Variants in MAK observed in about 807,000 individuals in gnomAD.
The protein encoded by MAK is serine/threonine-protein kinase MAK.
In MAK, 65 loss-of-function variants were observed where a neutral mutation model predicts 82.6. That is an observed-to-expected ratio of 0.79 (90% CI 0.64 to 0.97). The LOEUF (loss-of-function observed/expected upper bound fraction) is 0.97, where lower values mean the gene tolerates loss of function less well. MAK is among the 50% of genes least tolerant of loss of function. The pLI is 0.00. For missense variants in MAK, 703 were observed against 780.2 expected (o/e 0.90, Z 1.18); for synonymous variants, 250 against 274.2 (o/e 0.91, Z 0.87).
intron 13 of MAK, among the ~76,000 whole-genome samples, chr6:10,771,155 G>A (rs1448865710): frequency 6.6e-6 from 1 of 152,120 alleles, no homozygotes; most frequent in South Asian, 2.1e-4. Context: ...GGTGGTTACA[G>A]AGTTGTGGGC....
intron 14 of MAK, among the ~76,000 whole-genome samples, chr6:10,764,935 A>C (rs1425381779): frequency 6.6e-6 from 1 of 152,018 alleles, no homozygotes; most frequent in African/African-American, 2.4e-5. Flanking sequence ...TCTACTAAAA[A>C]TACAAAAAAA....
intron 11 of MAK, among the ~76,000 whole-genome samples, chr6:10,777,069 AC>A (rs1773522641): frequency 1.3e-5 from 2 of 151,538 alleles, no homozygotes; most frequent in East Asian, 3.9e-4. Flanking sequence ...AAAAAAGGCA[AC>A]TACCTAACCA....
At chr6:10,770,049 TA>T in intron 14 of MAK, 61 bp downstream of exon 14, 2 of 1,613,492 alleles carry the variant, frequency 1.2e-6, no homozygotes, top group Non-Finnish European at 1.7e-6. Context: ...TGCATAAACT[TA>T]AAAAGGAAAA....
At chr6:10,789,399 C>T (rs1774884215) in intron 10 of MAK, among the ~76,000 whole-genome samples, 1 of 152,126 alleles carries the variant, frequency 6.6e-6, no homozygotes, top group Admixed American at 6.6e-5. Context: ...AATCACCATG[C>T]TTTCCAACAT....
chr6:10,784,530 C>T lies in MAK; in HGVS notation c.1359G>A (p.Gly453=), dbSNP rs747015059. 4 of 1,614,158 alleles carry T rather than the reference C, an allele frequency of 2.5e-6. No individual in the cohort carries two copies. In the South Asian group the frequency reaches 3.3e-5, roughly 13 times the overall value. ...TAACAGCAGGTAAGCTCTTGTTTTC[C>T]CCTGTCGAGTGGTTGGAGCCTGAGG... is the stretch of plus-strand genomic sequence containing the variant. ...PVPSGSNHST[G]ENKSLPAVTS... Residue 453 remains glycine, a synonymous_variant, in exon 11 of 15, where the codon GGG becomes GGA. Transcript: ENST00000354489.
chr6:10,815,922 A>G (rs1359555036), intron 4 of MAK, among the ~76,000 whole-genome samples: 460 of 34,140 alleles, frequency 0.013, 28 homozygotes, highest in African/African-American at 0.025. Context: ...GTATATATAT[A>G]TATATATATA....
At chr6:10,783,794 G>A (rs1043190243) in intron 11 of MAK, among the ~76,000 whole-genome samples, 1 of 152,226 alleles carries the variant, frequency 6.6e-6, no homozygotes, top group Non-Finnish European at 1.5e-5. Flanking sequence ...GCCAAGGCGG[G>A]CGGATCACAA....
chr6:10,784,058 C>T (rs1774287944), intron 11 of MAK, among the ~76,000 whole-genome samples: 1 of 151,428 alleles, frequency 6.6e-6, no homozygotes, highest in Admixed American at 6.6e-5. Flanking sequence ...AAATGTACAC[C>T]AGATCATTTA....
At chr6:10,818,613 C>CA (rs35999127) in intron 3 of MAK, among the ~76,000 whole-genome samples, 86 of 111,082 alleles carry the variant, frequency 7.7e-4, no homozygotes, top group South Asian at 1.5e-3. Flanking sequence ...GACTCTGTCA[C>CA]AAAAAAAAAA....
Position 10,764,536 on chromosome 6 carries a change from G to T in MAK, c.1863C>A (p.Asn621Lys), listed in dbSNP as rs767167233. 3.1e-6 allele frequency: 5 copies of T among 1,613,890 alleles called. No homozygotes were observed. The highest frequency in any genetic ancestry group is 3.4e-6 in the Non-Finnish European group (4 of 1,179,982). ...GCTGTGCACGGTTCACAATATTTAGGTTTTTTGCTGTAGGATTATAAGTAC... is the reference window on the plus strand; with the variant it reads ...GCTGTGCACGGTTCACAATATTTAGTTTTTTTGCTGTAGGATTATAAGTAC... Reference protein sequence around the residue: ...SGRTYNPTAKNLNIVNRAQPI... With the variant: ...SGRTYNPTAKKLNIVNRAQPI... The change falls in exon 15 of 15, where the codon AAC becomes AAA. Residue 621 changes from asparagine (N) to lysine (K), a missense_variant. Asn to Lys is a moderately conservative substitution (Grantham distance 94, BLOSUM62 0). Transcript: ENST00000354489.
chr6:10,775,010 G>A (rs1773342763), intron 12 of MAK, among the ~76,000 whole-genome samples: 1 of 152,186 alleles, frequency 6.6e-6, no homozygotes, highest in African/African-American at 2.4e-5. Context: ...TAGAGGCACA[G>A]TTCCACCATG....
At chr6:10,803,550 A>AG (rs535855865) in intron 7 of MAK, among the ~76,000 whole-genome samples, 170 bp downstream of exon 7, 2 of 152,008 alleles carry the variant, frequency 1.3e-5, no homozygotes, top group East Asian at 3.9e-4. Flanking sequence ...ATCTCAAAAA[A>AG]AAAAAAAGAA....
At chr6:10,826,984 GC>G (rs1396894624) in intron 2 of MAK, among the ~76,000 whole-genome samples, 1 of 152,090 alleles carries the variant, frequency 6.6e-6, no homozygotes, top group Non-Finnish European at 1.5e-5. Context: ...GGTGGTACAT[GC>G]CTGTAATCCC....
chr6:10,813,858 A>G (rs6909367), intron 4 of MAK, 135 bp from the exon 5 acceptor site: 388,283 of 704,928 alleles, frequency 0.55, 110,389 homozygotes, highest in Non-Finnish European at 0.6. Context: ...ATAGATTTAT[A>G]CTCTTAAAGC....
At chr6:10,814,493 A>C (rs775594975) in intron 4 of MAK, among the ~76,000 whole-genome samples, 3 of 149,670 alleles carry the variant, frequency 2.0e-5, no homozygotes, top group Non-Finnish European at 4.4e-5. Flanking sequence ...ACATGGTGAA[A>C]CCTTGTGTCT....
intron 8 of MAK, among the ~76,000 whole-genome samples, chr6:10,799,143 T>C (rs1360009923): frequency 1.3e-5 from 2 of 152,138 alleles, no homozygotes; most frequent in African/African-American, 4.8e-5. Flanking sequence ...GTTGGAAACA[T>C]TTTGATTAAC....
chr6:10,814,525 C>T (rs144077129), intron 4 of MAK, among the ~76,000 whole-genome samples: 1,553 of 150,694 alleles, frequency 0.01, 27 homozygotes, highest in African/African-American at 0.036. Flanking sequence ...AAAAATTAGC[C>T]AGGTGTGGTA....
intron 6 of MAK, among the ~76,000 whole-genome samples, chr6:10,804,467 C>T (rs1001413899): frequency 1.3e-4 from 20 of 152,150 alleles, no homozygotes; most frequent in African/African-American, 4.8e-4. Flanking sequence ...CTCAGCCTCC[C>T]GAGCAGCGGG....
In MAK at chr6:10,784,536, C is replaced by G; in HGVS notation, c.1353G>C (p.Ser451=). ...CAGGTAAGCTCTTGTTTTCCCCTGT[C>G]GAGTGGTTGGAGCCTGAGGGTACTG... ...PEPVPSGSNH[S]TGENKSLPAV... Residue 451 remains serine (S), a synonymous_variant, in exon 11 of 15, where the codon TCG becomes TCC. Coordinates refer to ENST00000354489, the MANE Select transcript of MAK (RefSeq NM_001242957.3). 6.2e-7 allele frequency: 1 copy of G among 1,614,076 alleles called. No homozygotes were observed. The highest frequency in any genetic ancestry group is 1.1e-5 in the South Asian group (1 of 91,066).
Sources: gnomAD v4.1 joint callset for allele counts (sites outside exome capture counted in the v4.1 genomes callset) on GRCh38, gnomAD v4.1.1 for gene constraint, MANE v1.5 for transcripts, NCBI Gene and HGNC (gene_info 2026-07-23, HGNC 2026-07-21) for gene names.